Variants in PRR11 observed in about 807,000 individuals in gnomAD.
The protein encoded by PRR11 is proline rich 11.
Under a neutral mutation model 45.6 loss-of-function variants are expected in PRR11, and 30 were observed. The ratio of observed to expected loss-of-function variants is 0.66; its 90% CI spans 0.49 to 0.89. The LOEUF is 0.89. Among genes scored for constraint, PRR11 ranks in the 40% least tolerant of loss-of-function variants. The probability of loss-of-function intolerance (pLI) is 0.00; values close to 1 mark genes in which losing one functional copy is unlikely to be tolerated. For synonymous variants in PRR11, 128 were observed against 153.5 expected (o/e 0.83, Z 1.23); for missense variants, 373 against 424.8 (o/e 0.88, Z 1.07).
intron 9 of PRR11, among the ~76,000 whole-genome samples, chr17:59,198,548 C>T (rs2046877618): frequency 1.3e-5 from 2 of 152,138 alleles, no homozygotes; most frequent in Admixed American, 1.3e-4. Flanking sequence ...GTGGCGGATG[C>T]CTGTAGTCCC....
intron 4 of PRR11, among the ~76,000 whole-genome samples, chr17:59,187,443 G>T: frequency 6.6e-6 from 1 of 152,118 alleles, no homozygotes; most frequent in Middle Eastern, 3.4e-3. Context: ...GTTAGTGCAT[G>T]CCTGTAATCC....
intron 2 of PRR11, among the ~76,000 whole-genome samples, chr17:59,183,512 G>A (rs557158561): frequency 4.6e-5 from 7 of 152,244 alleles, no homozygotes; most frequent in African/African-American, 1.7e-4. Context: ...TTCACTGTCC[G>A]AGATTCTATA....
chr17:59,167,771 A>T (rs1235580881), intron 1 of PRR11, among the ~76,000 whole-genome samples: 2 of 152,174 alleles, frequency 1.3e-5, no homozygotes, highest in African/African-American at 4.8e-5. Context: ...AGTGTCTTTT[A>T]GCATGCAAAT....
In PRR11 at chr17:59,180,496, G is replaced by T. The variant is rs370159075; in HGVS notation, c.129-4558G>T. Among the ~76,000 whole-genome samples the T allele has an allele frequency of 5.3e-3, 537 of 101,258 alleles. 9 individuals are homozygous for T. The highest frequency in any genetic ancestry group is 0.027 in the African/African-American group (516 of 19,232). The allele number at this position is 101,258 out of a possible 152,430, so 66.4% of individuals were successfully genotyped here. On this transcript the variant is annotated intron_variant, in intron 2 of 9. Coordinates refer to ENST00000262293, the MANE Select transcript of PRR11 (RefSeq NM_018304.4). The stretch of plus-strand genomic sequence containing the variant: ...CTTCCTGACTTCTGGGCCCGTCCTT[G>T]TTTTTTTTTTTTTGTTTTTTTTGTT...
chr17:59,167,662 G>T (rs530098936), intron 1 of PRR11, among the ~76,000 whole-genome samples: 1 of 152,124 alleles, frequency 6.6e-6, no homozygotes, highest in South Asian at 2.1e-4. Context: ...GGAAAGGGTG[G>T]GGATTTCCCA....
At chr17:59,162,229 C>T (rs1383729873) in intron 1 of PRR11, among the ~76,000 whole-genome samples, 7 of 151,050 alleles carry the variant, frequency 4.6e-5, no homozygotes, top group African/African-American at 1.5e-4. Flanking sequence ...CACACACACA[C>T]ACACACACAC....
chr17:59,180,869 A>G (rs2046781550), intron 2 of PRR11, among the ~76,000 whole-genome samples: 1 of 151,340 alleles, frequency 6.6e-6, no homozygotes, highest in South Asian at 2.1e-4. Flanking sequence ...TCGTGCAGTC[A>G]TAGCTCACTG....
intron 1 of PRR11, among the ~76,000 whole-genome samples, chr17:59,158,042 A>G (rs1049442831): frequency 9.2e-5 from 14 of 152,202 alleles, no homozygotes; most frequent in Non-Finnish European, 1.9e-4. Context: ...TTGTGAGTAA[A>G]GGAACCTTCA....
chr17:59,168,893 T>C (rs2046692576), intron 1 of PRR11, among the ~76,000 whole-genome samples: 1 of 152,050 alleles, frequency 6.6e-6, no homozygotes, highest in African/African-American at 2.4e-5. Flanking sequence ...TATTCTTCTG[T>C]AAAAACGGGA....
At chr17:59,199,594 G>A (rs937613545) in intron 9 of PRR11, among the ~76,000 whole-genome samples, 2 of 152,194 alleles carry the variant, frequency 1.3e-5, no homozygotes, top group Non-Finnish European at 2.9e-5. Flanking sequence ...GATCTGTGAA[G>A]AACAGCCATC....
rs986242343 is a variant in PRR11, at chr17:59,157,221, C to T, written c.-6+1416C>T. On this transcript the variant is annotated intron_variant, in intron 1 of 9. Transcript: ENST00000262293. ...TTATTGAATGAAACATTATTTAGCT[C>T]CTGCTGTATTCTAGATGCTGGGAAA... 4.6e-5 allele frequency among the ~76,000 whole-genome samples: 7 copies of T among 152,224 alleles called. No individual in the cohort carries two copies. In the East Asian group the frequency reaches 1.3e-3, roughly 29 times the overall value.
In PRR11 at chr17:59,203,221, T is replaced by C. The variant is rs561887391; in HGVS notation, c.*1590T>C. On this transcript the variant is annotated 3_prime_UTR_variant, in exon 10 of 10. Transcript: ENST00000262293. Reference sequence around the variant, plus strand: ...ATATATAGAGATTTTTGTTTGTTTGTTTGTTTGTTTTGTTTTGTTTTGAGA... The same window carrying C: ...ATATATAGAGATTTTTGTTTGTTTGCTTGTTTGTTTTGTTTTGTTTTGAGA... Among the ~76,000 whole-genome samples the C allele has an allele frequency of 3.3e-5, 5 of 152,126 alleles. No individual in the cohort carries two copies. The highest frequency in any genetic ancestry group is 1.2e-4 in the African/African-American group (5 of 41,520).
chr17:59,197,473 G>C, intron 7 of PRR11, 71 bp from the exon 8 acceptor site: 2 of 1,358,738 alleles, frequency 1.5e-6, no homozygotes, highest in Non-Finnish European at 2.1e-6. Flanking sequence ...GGATGGTCTT[G>C]ATCTCCTGAC....
At position 59,180,587 on chromosome 17, in the gene PRR11, C is replaced by T. The variant is rs1387264047; in HGVS notation, c.129-4467C>T. Among the ~76,000 whole-genome samples the T allele has an allele frequency of 5.4e-5, 8 of 148,018 alleles. No individual in the cohort carries two copies. In the Admixed American group the frequency reaches 5.4e-4, roughly 10 times the overall value. On this transcript the variant is annotated intron_variant, in intron 2 of 9. Transcript: ENST00000262293. ...GTGGTGCTATCTCGGCTCAAAGCAA[C>T]CTCTGCCTCCCGGGTTCTAGAGATT...
chr17:59,202,002 CT>C lies in PRR11; in HGVS notation c.*379del, dbSNP rs771350086. The C allele has an allele frequency of 1.2e-4, 28 of 225,810 alleles. No individual in the cohort carries two copies. The highest frequency in any genetic ancestry group is 2.9e-4 in the South Asian group (4 of 13,606). The allele number at this position is 225,810 out of a possible 1,614,324, so 14.0% of individuals were successfully genotyped here. A position where few individuals can be genotyped will look rare whatever the true frequency, so the allele number is the denominator to read the frequency against. On this transcript the variant is annotated 3_prime_UTR_variant, in exon 10 of 10. Coordinates refer to ENST00000262293, the MANE Select transcript of PRR11 (RefSeq NM_018304.4). ...CAAACAAAAAAAACCCACCCAAATCCTTTTTTTTAATGTAGTAGGGTTTATA... is the reference window on the plus strand; with the variant it reads ...CAAACAAAAAAAACCCACCCAAATCCTTTTTTTAATGTAGTAGGGTTTATA...
intron 2 of PRR11, among the ~76,000 whole-genome samples, chr17:59,181,251 G>A (rs896735828): frequency 6.6e-6 from 1 of 151,690 alleles, no homozygotes; most frequent in Non-Finnish European, 1.5e-5. Flanking sequence ...GCCTCCGAAA[G>A]TGCTGGGATT....
chr17:59,167,058 A>G (rs139625706), intron 1 of PRR11, among the ~76,000 whole-genome samples: 4,648 of 152,110 alleles, frequency 0.031, 258 homozygotes, highest in African/African-American at 0.11. Context: ...CAGCTACTCG[A>G]GAGGCTGAGG....
At chr17:59,196,087 CAAAA>C (rs57940331) in intron 7 of PRR11, among the ~76,000 whole-genome samples, 3 of 71,356 alleles carry the variant, frequency 4.2e-5, no homozygotes, top group South Asian at 4.6e-4. Flanking sequence ...GACTCCATCT[CAAAA>C]AAAAAAAAAA....
intron 1 of PRR11, chr17:59,160,914 T>C (rs2046648223): frequency 6.6e-6 from 1 of 151,684 alleles, no homozygotes; most frequent in South Asian, 2.1e-4. Context: ...TTTTCTTTTT[T>C]TCATACAGTT....
Sources: allele counts gnomAD v4.1 joint callset (sites outside exome capture counted in the v4.1 genomes callset), GRCh38; gene constraint gnomAD v4.1.1; transcripts MANE v1.5; gene names NCBI Gene and HGNC (gene_info 2026-07-23, HGNC 2026-07-21).